The following GOLGB1 variants were observed in gnomAD, a reference collection of about 807,000 sequenced individuals.
GOLGB1 encodes the protein golgin B1.
Under a neutral mutation model 336.9 loss-of-function variants are expected in GOLGB1, and 174 were observed. The ratio of observed to expected loss-of-function variants is 0.52; its 90% confidence interval spans 0.46 to 0.59. The LOEUF (loss-of-function observed/expected upper bound fraction) is 0.59, where lower values mean the gene tolerates loss of function less well. Ranked by LOEUF, GOLGB1 falls within the 20% of genes least tolerant of loss-of-function variation. The pLI, the probability that GOLGB1 is intolerant of heterozygous loss-of-function variation, is 0.00. For synonymous variants in GOLGB1, 1,208 were observed against 1,289.2 expected (o/e 0.94, Z 1.35); for missense variants, 3,331 against 3,645.3 (o/e 0.91, Z 2.22).
rs1938187091 is a variant in GOLGB1, at chr3:121,663,446, C to T, written c.*1034G>A. 6.6e-6 allele frequency: 1 copy of T among 152,098 alleles called. No homozygotes were observed. Among genetic ancestry groups the T allele is most frequent in the Admixed American group, 6.5e-5 (1 of 15,270 alleles). 9.4% of individuals were successfully genotyped at this position (152,098 alleles called of 1,614,324 possible). On this transcript the variant is annotated 3_prime_UTR_variant, in exon 22 of 22. Transcript: ENST00000614479. ...ACAAATGGAATTCTATCCTGGCTGT[C>T]CTTCTCAGGTCTATCTATATTTAAT...
intron 13 of GOLGB1, among the ~76,000 whole-genome samples, chr3:121,693,316 C>G (rs907342356): frequency 1.3e-5 from 2 of 151,936 alleles, no homozygotes; most frequent in Admixed American, 6.6e-5. Flanking sequence ...GTGAAACCCC[C>G]TCTCTACTAA....
chr3:121,691,766 T>C lies in GOLGB1; in HGVS notation c.7598A>G (p.Lys2533Arg), dbSNP rs141463172. The C allele has an allele frequency of 3.6e-5, 58 of 1,613,612 alleles. No individual in the cohort carries two copies. In the Admixed American group the frequency reaches 9.7e-4, roughly 27 times the overall value. The change falls in exon 14 of 22, where the codon AAG becomes AGG. Residue 2533 changes from lysine (K) to arginine (R), a missense_variant. Transcript: ENST00000614479. Reference sequence around the variant, plus strand: ...ATATTGGATCAGTTCTGCATCTAGCTTGGCATTCTCAGAATTGAGATCATC... The same window carrying C: ...ATATTGGATCAGTTCTGCATCTAGCCTGGCATTCTCAGAATTGAGATCATC... ...HMDDLNSENA[K>R]LDAELIQYRE...
Position 121,679,791 on chromosome 3 carries a change from C to T in GOLGB1, c.8873+1896G>A, listed in dbSNP as rs190896146. On this transcript the variant is annotated intron_variant, in intron 15 of 21. Coordinates refer to ENST00000614479, the MANE Select transcript of GOLGB1 (RefSeq NM_001366282.2). ...CTAAGAAGGTGCCTCTCTCCGACTGCCCCTCCTCCCCCACTCCCACTGTGG... is the reference window on the plus strand; with the variant it reads ...CTAAGAAGGTGCCTCTCTCCGACTGTCCCTCCTCCCCCACTCCCACTGTGG... Among the ~76,000 whole-genome samples, 411 of 152,256 alleles carry T rather than the reference C, an allele frequency of 2.7e-3. 3 individuals are homozygous for T. The highest frequency in any genetic ancestry group is 4.8e-3 in the Non-Finnish European group (327 of 68,014).
rs761816583 is a variant in GOLGB1, at chr3:121,677,042, C to G, written c.9040-12G>C. The G allele has an allele frequency of 6.2e-6, 10 of 1,613,792 alleles. No homozygotes were observed. In the African/African-American group the frequency reaches 6.7e-5, roughly 11 times the overall value. ...GTCTCTGGGGATGCCTGCCAGGACACAAACATTGATCAGATTCTCTCCTAA... is the reference window on the plus strand; with the variant it reads ...GTCTCTGGGGATGCCTGCCAGGACAGAAACATTGATCAGATTCTCTCCTAA... On this transcript the variant is annotated splice_polypyrimidine_tract_variant and intron_variant, in intron 16 of 21. Coordinates refer to ENST00000614479, the MANE Select transcript of GOLGB1 (RefSeq NM_001366282.2).
intron 1 of GOLGB1, among the ~76,000 whole-genome samples, chr3:121,736,409 G>A (rs988423387): frequency 3.3e-5 from 5 of 152,192 alleles, no homozygotes; most frequent in Non-Finnish European, 5.9e-5. Context: ...AATGTGATGA[G>A]AAGGGTACTT....
At chr3:121,687,680 A>C (rs776469648) in intron 14 of GOLGB1, among the ~76,000 whole-genome samples, 1 of 152,256 alleles carries the variant, frequency 6.6e-6, no homozygotes, top group Admixed American at 6.5e-5. Context: ...AAATGTGCAA[A>C]GTTTAGTGCC....
intron 1 of GOLGB1, among the ~76,000 whole-genome samples, chr3:121,747,313 G>GTGTATATACGTATATATGTA (rs1947397211): frequency 1.4e-5 from 2 of 140,138 alleles, no homozygotes; most frequent in Admixed American, 7.2e-5. Context: ...ATGTATATAT[G>GTGTATATACGTATATATGTA]TATATATGTG....
rs1939144970 is a variant in GOLGB1, at chr3:121,669,233, C to T, written c.9300G>A (p.Lys3100=). ...TCACCGCCTGCAGCTCTTGAACCTG[C>T]TTCTCCAAGACTGCACAGTGATTTA... The part of the protein sequence containing the change: ...DLLNHCAVLE[K]QVQELQAGPL... Residue 3100 remains lysine, a synonymous_variant, in exon 18 of 22, where the codon AAG becomes AAA. Coordinates refer to ENST00000614479, the MANE Select transcript of GOLGB1 (RefSeq NM_001366282.2). 1 of 1,613,976 alleles carries T rather than the reference C, an allele frequency of 6.2e-7. No homozygotes were observed. The highest frequency in any genetic ancestry group is 8.5e-7 in the Non-Finnish European group (1 of 1,179,962).
chr3:121,670,757 G>A (rs903597807), intron 17 of GOLGB1, among the ~76,000 whole-genome samples: 1 of 136,154 alleles, frequency 7.3e-6, no homozygotes, highest in East Asian at 2.1e-4. Flanking sequence ...TTTTCTTTTG[G>A]GGGGGGGGGT....
rs569644886 is a variant in GOLGB1, at chr3:121,696,517, C to G, written c.4006G>C (p.Glu1336Gln). ...LELKVSSTTS[E>Q]LTKKSEEVFQ... Reference sequence around the variant, plus strand: ...ACCTCTTCTGATTTTTTAGTAAGCTCACTTGTTGTAGAACTAACTTTCAAT... The same window carrying G: ...ACCTCTTCTGATTTTTTAGTAAGCTGACTTGTTGTAGAACTAACTTTCAAT... The change falls in exon 13 of 22, where the codon GAG becomes CAG. Residue 1336 changes from glutamate (E) to glutamine (Q), a missense_variant. Glu to Gln is a conservative substitution (Grantham distance 29). Transcript: ENST00000614479. 1.2e-6 allele frequency: 2 copies of G among 1,614,124 alleles called. No homozygotes were observed. The highest frequency in any genetic ancestry group is 2.2e-5 in the South Asian group (2 of 91,080).
intron 8 of GOLGB1, among the ~76,000 whole-genome samples, chr3:121,717,397 G>A (rs1944867654): frequency 6.6e-6 from 1 of 152,134 alleles, no homozygotes; most frequent in African/African-American, 2.4e-5. Flanking sequence ...AGACTACTTG[G>A]ATGTGACAGG....
Position 121,695,816 on chromosome 3 carries a change from ACT to A in GOLGB1, c.4705_4706del (p.Leu1570GlnfsTer5), listed in dbSNP as rs745708213. On this transcript the variant is annotated frameshift_variant, in exon 13 of 22. Transcript: ENST00000614479. LOFTEE classifies it high-confidence loss of function. ...TTAGACTTTCACAGGAGCTGCTGAG[ACT>A]CTGATTTTCCAATAAAGACCTGTCC... ...EMDRSLLENQ[S>X]LSSSCESLKL... 3 of 1,613,738 alleles carry A rather than the reference ACT, an allele frequency of 1.9e-6. No homozygotes were observed. Among genetic ancestry groups the A allele is most frequent in the African/African-American group, 1.3e-5 (1 of 74,948 alleles).
chr3:121,690,030 T>C (rs1260697608), intron 14 of GOLGB1, among the ~76,000 whole-genome samples: 1 of 152,238 alleles, frequency 6.6e-6, no homozygotes, highest in Non-Finnish European at 1.5e-5. Context: ...AATGTCAGCA[T>C]TAGGAAGCCT....
In GOLGB1 at chr3:121,704,389, A is replaced by G. The variant is rs192310496; in HGVS notation, c.1405-1794T>C. Among the ~76,000 whole-genome samples the G allele has an allele frequency of 5.3e-5, 8 of 152,322 alleles. No homozygotes were observed. The East Asian group carries it at 1.5e-3, about 29-fold the overall frequency. On this transcript the variant is annotated intron_variant, in intron 10 of 21. Coordinates refer to ENST00000614479, the MANE Select transcript of GOLGB1 (RefSeq NM_001366282.2). ...GTCTTAAAATTTCCATGGAAAAATG[A>G]TACTTTACATACAGAGAAACAATAA...
intron 14 of GOLGB1, among the ~76,000 whole-genome samples, chr3:121,689,097 C>A (rs1303694102): frequency 6.6e-6 from 1 of 151,684 alleles, no homozygotes; most frequent in Non-Finnish European, 1.5e-5. Flanking sequence ...CCAGCCGCCC[C>A]GTCCGGGAGG....
chr3:121,688,745 G>A (rs1435141430), intron 14 of GOLGB1, among the ~76,000 whole-genome samples: 2 of 151,214 alleles, frequency 1.3e-5, no homozygotes, highest in Admixed American at 6.6e-5. Context: ...AGTGAGGAGC[G>A]TCTCTGCCCG....
intron 11 of GOLGB1, 55 bp downstream of exon 11, chr3:121,702,426 T>C: frequency 1.5e-6 from 1 of 667,992 alleles, no homozygotes. Context: ...GTGATAAAAG[T>C]AGAGGCACTT....
chr3:121,694,561 C>T lies in GOLGB1; in HGVS notation c.5962G>A (p.Glu1988Lys). 1 of 1,612,544 alleles carries T rather than the reference C, an allele frequency of 6.2e-7. No homozygotes were observed. The highest frequency in any genetic ancestry group is 1.1e-5 in the South Asian group (1 of 91,070). ...AAATATTCCTTTCGTATTTCTGATT[C>T]CACCTTAGTTTTTTCCTTGACTAAC... ...QQLVKEKTKV[E>K]SEIRKEYLEK... Residue 1988 changes from glutamate to lysine, a missense_variant, in exon 13 of 22, where the codon GAA becomes AAA. Physicochemically the swap from Glu to Lys is moderately conservative, Grantham distance 56 (BLOSUM62 1). Transcript: ENST00000614479.
intron 1 of GOLGB1, among the ~76,000 whole-genome samples, chr3:121,732,332 G>A (rs982222598): frequency 6.6e-6 from 1 of 152,156 alleles, no homozygotes; most frequent in Non-Finnish European, 1.5e-5. Flanking sequence ...ATCTATGCCA[G>A]AAGATAGAAA....
Sources: allele counts gnomAD v4.1 joint callset (sites outside exome capture counted in the v4.1 genomes callset), GRCh38; gene constraint gnomAD v4.1.1; transcripts MANE v1.5; gene names NCBI Gene and HGNC (gene_info 2026-07-23, HGNC 2026-07-21).